FARS2: variants seen among roughly 807,000 people sequenced by gnomAD.
FARS2 encodes phenylalanine--tRNA ligase, mitochondrial.
In FARS2, 40 loss-of-function variants were observed where a neutral mutation model predicts 46.4. The ratio of observed to expected loss-of-function variants is 0.86; its 90% CI spans 0.67 to 1.12. The LOEUF is 1.12. Among genes scored for constraint, FARS2 ranks in the 50% most tolerant of loss-of-function variants. FARS2 has a pLI of 0.00. For missense variants in FARS2, 513 were observed against 567.9 expected, an observed-to-expected ratio of 0.90 and a Z score of 0.98; for synonymous variants, 234 against 214.9, an observed-to-expected ratio of 1.09 and a Z score of -0.78.
chr6:5,367,524 T>G (rs1189016860), intron 1 of FARS2, among the ~76,000 whole-genome samples: 1 of 152,062 alleles, frequency 6.6e-6, no homozygotes, highest in Non-Finnish European at 1.5e-5. Context: ...CTTATTGAAC[T>G]CTTTCAATAC....
chr6:5,467,506 G>T (rs926614066), intron 4 of FARS2, among the ~76,000 whole-genome samples: 1 of 152,166 alleles, frequency 6.6e-6, no homozygotes, highest in African/African-American at 2.4e-5. Context: ...ATATTCTTCA[G>T]TGATCTCCTT....
At chr6:5,611,400 A>G (rs1056594131) in intron 5 of FARS2, among the ~76,000 whole-genome samples, 2 of 152,144 alleles carry the variant, frequency 1.3e-5, no homozygotes, top group Non-Finnish European at 2.9e-5. Context: ...GGCAGTGGGG[A>G]GCCACAGGAT....
chr6:5,277,183 C>T (rs1385848978), intron 1 of FARS2, among the ~76,000 whole-genome samples: 5 of 151,502 alleles, frequency 3.3e-5, no homozygotes, highest in African/African-American at 1.2e-4. Context: ...CATTTGTCAG[C>T]AGGGGCTGGT....
chr6:5,303,819 G>A (rs1217812124), intron 1 of FARS2, among the ~76,000 whole-genome samples: 2 of 152,056 alleles, frequency 1.3e-5, no homozygotes, highest in East Asian at 1.9e-4. Flanking sequence ...AAGTGCGCCC[G>A]GGGAATTCTC....
At chr6:5,703,989 G>A (rs1393914475) in intron 6 of FARS2, among the ~76,000 whole-genome samples, 3 of 152,042 alleles carry the variant, frequency 2.0e-5, no homozygotes, top group Non-Finnish European at 2.9e-5. Context: ...TTCCTCTGCC[G>A]CCTCCTCCCT....
intron 4 of FARS2, among the ~76,000 whole-genome samples, chr6:5,436,705 T>C (rs371441729): frequency 1.6e-4 from 24 of 152,196 alleles, no homozygotes; most frequent in African/African-American, 5.3e-4. Flanking sequence ...GTGGTCATTC[T>C]CAGATGTGTG....
chr6:5,353,726 G>GTTTTGTTT (rs1757721834), intron 1 of FARS2, among the ~76,000 whole-genome samples: 2 of 40,360 alleles, frequency 5.0e-5, no homozygotes, highest in African/African-American at 9.7e-5. Context: ...AATATTTGGT[G>GTTTTGTTT]TTTTTTTTTT....
chr6:5,723,707 C>G (rs1174196787), intron 6 of FARS2, among the ~76,000 whole-genome samples: 1 of 152,214 alleles, frequency 6.6e-6, no homozygotes, highest in African/African-American at 2.4e-5. Flanking sequence ...AATCTGTTCT[C>G]AAGAATGTTT....
At position 5,689,717 on chromosome 6, in the gene FARS2, G is replaced by A. The variant is rs533063789; in HGVS notation, c.1217+76397G>A. Among the ~76,000 whole-genome samples, 233 of 152,198 alleles carry A rather than the reference G, an allele frequency of 1.5e-3. 2 individuals are homozygous for A. The highest frequency in any genetic ancestry group is 5.3e-3 in the African/African-American group (218 of 41,500). On this transcript the variant is annotated intron_variant, in intron 6 of 6. Coordinates refer to ENST00000274680, the MANE Select transcript of FARS2 (RefSeq NM_006567.5). Reference sequence around the variant, plus strand: ...AGTTCTGTAGATGTCTATTAGGTCCGCTTGGTGCAGAGCTGAGTTCAGTTC... The same window carrying A: ...AGTTCTGTAGATGTCTATTAGGTCCACTTGGTGCAGAGCTGAGTTCAGTTC...
chr6:5,539,384 G>GTATATA lies in FARS2; in HGVS notation c.905-5786_905-5781dup, dbSNP rs1554106819. 6.6e-3 allele frequency among the ~76,000 whole-genome samples: 524 copies of GTATATA among 79,584 alleles called. 33 individuals are homozygous for GTATATA. The highest frequency in any genetic ancestry group is 0.023 in the African/African-American group (493 of 21,618). 52.2% of individuals were successfully genotyped at this position (79,584 alleles called of 152,430 possible). ...ACCATGCCCACCTAATTTTTTTTGT[G>GTATATA]TATATATATATATATGTATATATTT... On this transcript the variant is annotated intron_variant, in intron 4 of 6. Coordinates refer to ENST00000274680, the MANE Select transcript of FARS2 (RefSeq NM_006567.5).
At chr6:5,643,776 C>G (rs1401008668) in intron 6 of FARS2, among the ~76,000 whole-genome samples, 2 of 152,070 alleles carry the variant, frequency 1.3e-5, no homozygotes, top group African/African-American at 4.8e-5. Flanking sequence ...ATTCATTGTA[C>G]CTGGGCTTCA....
At chr6:5,554,685 T>C (rs533922422) in intron 5 of FARS2, among the ~76,000 whole-genome samples, 66 of 152,354 alleles carry the variant, frequency 4.3e-4, no homozygotes, top group African/African-American at 1.5e-3. Context: ...AGAGCTTTTA[T>C]GCATCACAGT....
intron 2 of FARS2, among the ~76,000 whole-genome samples, chr6:5,384,774 G>A (rs1366107260): frequency 6.6e-6 from 1 of 152,144 alleles, no homozygotes; most frequent in Admixed American, 6.5e-5. Context: ...CTGACAGCCA[G>A]TATTTTGTTC....
Position 5,771,494 on chromosome 6 carries a change from T to C in FARS2, c.*65T>C, listed in dbSNP as rs1763048400. 7 of 1,539,174 alleles carry C rather than the reference T, an allele frequency of 4.5e-6. No individual in the cohort carries two copies. Among genetic ancestry groups the C allele is most frequent in the Non-Finnish European group, 6.1e-6 (7 of 1,139,860 alleles). On this transcript the variant is annotated 3_prime_UTR_variant, in exon 7 of 7. Transcript: ENST00000274680. ...CAGGATTTGCTGAAAGAGAAAAAGATATGGTTTGTGAACTGGGGCATCAAT... is the reference window on the plus strand; with the variant it reads ...CAGGATTTGCTGAAAGAGAAAAAGACATGGTTTGTGAACTGGGGCATCAAT...
intron 2 of FARS2, among the ~76,000 whole-genome samples, chr6:5,388,047 TA>T (rs1760251022): frequency 6.6e-6 from 1 of 152,142 alleles, no homozygotes; most frequent in Non-Finnish European, 1.5e-5. Context: ...ATTTTTTTTT[TA>T]CATTATTACC....
At chr6:5,402,522 ACTTC>A (rs1212078086) in intron 2 of FARS2, among the ~76,000 whole-genome samples, 1 of 152,018 alleles carries the variant, frequency 6.6e-6, no homozygotes, top group African/African-American at 2.4e-5. Context: ...TGTGTAAAAG[ACTTC>A]CTTAGTCTCT....
Position 5,341,638 on chromosome 6 carries a change from C to T in FARS2, c.-21-26912C>T, listed in dbSNP as rs192614465. ...GGTTCAAGCGATTCTCCTGCCTCAGCCTCCGGAGTAGCTAGGAATAAAGGT... is the reference window on the plus strand; with the variant it reads ...GGTTCAAGCGATTCTCCTGCCTCAGTCTCCGGAGTAGCTAGGAATAAAGGT... On this transcript the variant is annotated intron_variant, in intron 1 of 6. Coordinates refer to ENST00000274680, the MANE Select transcript of FARS2 (RefSeq NM_006567.5). Among the ~76,000 whole-genome samples, 723 of 152,058 alleles carry T rather than the reference C, an allele frequency of 4.8e-3. 6 individuals carry two copies. The highest frequency in any genetic ancestry group is 7.7e-3 in the Non-Finnish European group (523 of 67,998).
intron 1 of FARS2, among the ~76,000 whole-genome samples, chr6:5,302,423 G>T (rs1323334164): frequency 6.6e-6 from 1 of 152,048 alleles, no homozygotes; most frequent in Non-Finnish European, 1.5e-5. Context: ...TTGGGTTATC[G>T]GATGACATGG....
intron 4 of FARS2, among the ~76,000 whole-genome samples, chr6:5,474,661 C>T (rs1313732150): frequency 4.2e-5 from 3 of 71,316 alleles, no homozygotes; most frequent in Non-Finnish European, 6.2e-5. Context: ...AAATACAGTA[C>T]TGTTTTTTTT....
Sources: gnomAD v4.1 joint callset for allele counts (sites outside exome capture counted in the v4.1 genomes callset) on GRCh38, gnomAD v4.1.1 for gene constraint, MANE v1.5 for transcripts, NCBI Gene and HGNC (gene_info 2026-07-23, HGNC 2026-07-21) for gene names.